TCF4: variants seen among roughly 807,000 people sequenced by gnomAD.
TCF4 encodes transcription factor 4.
TCF4 carries 3 observed loss-of-function variants against 82.1 expected under a neutral mutation model. That is an observed-to-expected ratio of 0.04 (90% CI 0.02 to 0.09). The LOEUF is 0.09. Ranked by LOEUF, TCF4 falls within the 10% of genes least tolerant of loss-of-function variation. TCF4 has a pLI of 1.00. For missense variants in TCF4, 518 were observed against 852.7 expected, an observed-to-expected ratio of 0.61 and a Z score of 4.89; for synonymous variants, 276 against 309.6, an observed-to-expected ratio of 0.89 and a Z score of 1.14.
intron 8 of TCF4, among the ~76,000 whole-genome samples, chr18:55,346,860 A>C (rs898190609): frequency 2.0e-5 from 3 of 152,116 alleles, no homozygotes; most frequent in East Asian, 3.9e-4. Flanking sequence ...CACAATATAA[A>C]ATTTTTTGCT....
chr18:55,254,802 A>C, intron 14 of TCF4, 102 bp from the exon 15 acceptor site: 1 of 1,036,996 alleles, frequency 9.6e-7, no homozygotes, highest in Non-Finnish European at 1.5e-6. Context: ...GTGTTTCTAA[A>C]TACATGTTTC....
At chr18:55,355,217 T>C (rs958317350) in intron 6 of TCF4, among the ~76,000 whole-genome samples, 2 of 152,192 alleles carry the variant, frequency 1.3e-5, no homozygotes, top group African/African-American at 4.8e-5. Flanking sequence ...GCAAAATATA[T>C]GTGTAGGTAT....
intron 9 of TCF4, among the ~76,000 whole-genome samples, chr18:55,276,175 A>G (rs1421710036): frequency 6.6e-6 from 1 of 152,210 alleles, no homozygotes; most frequent in Non-Finnish European, 1.5e-5. Context: ...AAGCATGTAA[A>G]GAAGTATTAA....
intron 6 of TCF4, among the ~76,000 whole-genome samples, chr18:55,392,938 A>C (rs1450732740): frequency 4.6e-5 from 7 of 152,384 alleles, no homozygotes; most frequent in Admixed American, 4.6e-4. Flanking sequence ...ATGAAGACCT[A>C]TACAGATACC....
chr18:55,245,903 T>C (rs2052980473), intron 15 of TCF4, among the ~76,000 whole-genome samples: 1 of 152,234 alleles, frequency 6.6e-6, no homozygotes, highest in African/African-American at 2.4e-5. Flanking sequence ...TACACGTTTA[T>C]GCATCCCCAA....
intron 6 of TCF4, among the ~76,000 whole-genome samples, chr18:55,376,074 T>A (rs2090664276): frequency 6.7e-6 from 1 of 148,474 alleles, no homozygotes; most frequent in Non-Finnish European, 1.5e-5. Context: ...CAGTCTTGAA[T>A]GCAGCGGCGG....
At chr18:55,381,302 C>A (rs1240367173) in intron 6 of TCF4, among the ~76,000 whole-genome samples, 1 of 152,144 alleles carries the variant, frequency 6.6e-6, no homozygotes, top group African/African-American at 2.4e-5. Flanking sequence ...AAAGCTAAAT[C>A]CAGATTCATA....
chr18:55,254,337 A>T (rs761141118), intron 15 of TCF4, among the ~76,000 whole-genome samples, 160 bp downstream of exon 15: 1 of 152,174 alleles, frequency 6.6e-6, no homozygotes, highest in Non-Finnish European at 1.5e-5. Context: ...TTGTAAATAC[A>T]CTAAAACACT....
chr18:55,431,002 CA>C (rs1369264680), intron 5 of TCF4, among the ~76,000 whole-genome samples: 1 of 151,888 alleles, frequency 6.6e-6, no homozygotes, highest in Non-Finnish European at 1.5e-5. Context: ...GAAAAGGAGT[CA>C]GGGGAAAGAC....
chr18:55,609,214 A>G (rs1311771430), intron 2 of TCF4, among the ~76,000 whole-genome samples: 2 of 152,190 alleles, frequency 1.3e-5, no homozygotes, highest in African/African-American at 4.8e-5. Flanking sequence ...TTGTTACAGC[A>G]GCCCAAGGTA....
At chr18:55,341,988 G>A (rs1384350691) in intron 8 of TCF4, among the ~76,000 whole-genome samples, 1 of 152,120 alleles carries the variant, frequency 6.6e-6, no homozygotes, top group East Asian at 1.9e-4. Context: ...AGAATACATA[G>A]AAGAAAAAGA....
intron 5 of TCF4, among the ~76,000 whole-genome samples, chr18:55,415,492 G>A (rs372361563): frequency 3.3e-5 from 5 of 152,286 alleles, no homozygotes; most frequent in East Asian, 3.9e-4. Context: ...AACAAGAGCC[G>A]GCTATGGCCA....
chr18:55,486,204 C>T (rs1288341409), intron 3 of TCF4, among the ~76,000 whole-genome samples: 1 of 152,140 alleles, frequency 6.6e-6, no homozygotes, highest in Non-Finnish European at 1.5e-5. Flanking sequence ...TAAGTTTAAG[C>T]TACAAATGGT....
intron 8 of TCF4, among the ~76,000 whole-genome samples, chr18:55,341,889 A>G (rs2080053418): frequency 6.6e-6 from 1 of 152,202 alleles, no homozygotes; most frequent in Non-Finnish European, 1.5e-5. Context: ...TGCTAAGGTT[A>G]TTCCTACAAA....
intron 8 of TCF4, among the ~76,000 whole-genome samples, chr18:55,344,593 T>G (rs1603250170): frequency 6.6e-6 from 1 of 152,188 alleles, no homozygotes; most frequent in African/African-American, 2.4e-5. Flanking sequence ...TTACACTAAA[T>G]GCTATTATTG....
chr18:55,625,776 T>C (rs904893918), intron 2 of TCF4, among the ~76,000 whole-genome samples: 4 of 151,874 alleles, frequency 2.6e-5, no homozygotes, highest in African/African-American at 9.7e-5. Context: ...TCTACATTCC[T>C]ATGATTTTTA....
At chr18:55,228,190 C>T (rs201574270) in intron 19 of TCF4, 31 bp downstream of exon 19, 24 of 1,613,524 alleles carry the variant, frequency 1.5e-5, no homozygotes, top group East Asian at 1.1e-4. Flanking sequence ...TTTGAATGAT[C>T]GATCTCAGAA....
chr18:55,327,319 A>G (rs1219777122), intron 8 of TCF4, among the ~76,000 whole-genome samples: 1 of 152,148 alleles, frequency 6.6e-6, no homozygotes, highest in Non-Finnish European at 1.5e-5. Flanking sequence ...CAGATAAAGC[A>G]CAAATCATCT....
intron 5 of TCF4, among the ~76,000 whole-genome samples, chr18:55,414,603 G>C (rs1264606807): frequency 6.6e-6 from 1 of 152,080 alleles, no homozygotes; most frequent in Non-Finnish European, 1.5e-5. Context: ...AAAAATTGTT[G>C]CTATTTTTAA....
Sources: gnomAD v4.1 joint callset for allele counts (sites outside exome capture counted in the v4.1 genomes callset) on GRCh38, gnomAD v4.1.1 for gene constraint, MANE v1.5 for transcripts, NCBI Gene and HGNC (gene_info 2026-07-23, HGNC 2026-07-21) for gene names.